The following CSMD1 variants were observed in gnomAD, a reference collection of about 807,000 sequenced individuals.
The protein encoded by CSMD1 is CUB and sushi domain-containing protein 1.
Under a neutral mutation model 417.5 loss-of-function variants are expected in CSMD1, and 213 were observed. That is an observed-to-expected ratio of 0.51 (90% confidence interval 0.46 to 0.57). The LOEUF is 0.57. Ranked by LOEUF, CSMD1 falls within the 20% of genes least tolerant of loss-of-function variation. The pLI is 0.00. For missense variants in CSMD1, 6,923 were observed against 4,529.7 expected, an observed-to-expected ratio of 1.53 and a Z score of -15.17; for synonymous variants, 2,862 against 1,736.8, an observed-to-expected ratio of 1.65 and a Z score of -16.11.
chr8:4,034,947 A>T (rs72624063), intron 3 of CSMD1, among the ~76,000 whole-genome samples: 22,671 of 151,838 alleles, frequency 0.15, 2,398 homozygotes, highest in East Asian at 0.39. Context: ...CAAATGAAAC[A>T]CTCTGGAAAT....
intron 49 of CSMD1, among the ~76,000 whole-genome samples, chr8:3,057,800 AT>A: frequency 6.6e-6 from 1 of 152,268 alleles, no homozygotes; most frequent in African/African-American, 2.4e-5. Context: ...TGTATTTTCA[AT>A]TTTAAATCTA....
chr8:4,686,299 C>A (rs1806383590), intron 1 of CSMD1, among the ~76,000 whole-genome samples: 1 of 152,164 alleles, frequency 6.6e-6, no homozygotes, highest in Non-Finnish European at 1.5e-5. Flanking sequence ...TTAAAACGAA[C>A]ATATATGCAA....
intron 1 of CSMD1, among the ~76,000 whole-genome samples, chr8:4,946,011 T>C (rs974624739): frequency 6.6e-6 from 1 of 152,160 alleles, no homozygotes; most frequent in African/African-American, 2.4e-5. Context: ...TAAGAACCAG[T>C]GGGCTCTTGT....
intron 51 of CSMD1, among the ~76,000 whole-genome samples, chr8:3,023,126 G>A (rs187888400): frequency 7.2e-5 from 11 of 152,258 alleles, no homozygotes; most frequent in Non-Finnish European, 1.2e-4. Context: ...GGATATAGAC[G>A]AAATACATCT....
chr8:3,125,652 T>A (rs752077225), intron 41 of CSMD1, among the ~76,000 whole-genome samples: 6 of 152,220 alleles, frequency 3.9e-5, no homozygotes, highest in Non-Finnish European at 7.3e-5. Context: ...CTATTAGTTC[T>A]ATAAGAGTTG....
intron 1 of CSMD1, among the ~76,000 whole-genome samples, chr8:4,658,994 A>G (rs1804417166): frequency 6.6e-6 from 1 of 152,206 alleles, no homozygotes; most frequent in African/African-American, 2.4e-5. Context: ...GCAATAACTG[A>G]AAACAATACA....
At position 3,669,253 on chromosome 8, in the gene CSMD1, G is replaced by A. The variant is rs528101128; in HGVS notation, c.1009+39161C>T. Among the ~76,000 whole-genome samples, 4 of 152,316 alleles carry A rather than the reference G, an allele frequency of 2.6e-5. No homozygotes were observed. In the East Asian group the frequency reaches 7.7e-4, roughly 29 times the overall value. ...AAGGTAGCACACTGCATCAATCTGA[G>A]TGAAAATGTCTCATCTGTGTTTTCT... On this transcript the variant is annotated intron_variant, in intron 7 of 69. Transcript: ENST00000635120.
chr8:4,916,451 G>A (rs116256215), intron 1 of CSMD1, among the ~76,000 whole-genome samples: 1 of 152,178 alleles, frequency 6.6e-6, no homozygotes, highest in Non-Finnish European at 1.5e-5. Context: ...TCAATTGTTT[G>A]TCAGGGAAGA....
At chr8:4,514,852 C>T (rs1296847397) in intron 2 of CSMD1, among the ~76,000 whole-genome samples, 1 of 152,182 alleles carries the variant, frequency 6.6e-6, no homozygotes, top group Non-Finnish European at 1.5e-5. Context: ...TAGAGAAAGT[C>T]TACCTCCTCC....
chr8:4,812,849 A>G lies in CSMD1; in HGVS notation c.86-175291T>C, dbSNP rs141126433. Among the ~76,000 whole-genome samples, 35 of 152,314 alleles carry G rather than the reference A, an allele frequency of 2.3e-4. No homozygotes were observed. In the East Asian group the frequency reaches 6.6e-3, roughly 29 times the overall value. On this transcript the variant is annotated intron_variant, in intron 1 of 69. Transcript: ENST00000635120. ...CACTTTTCATAGGGAATCTATTGTT[A>G]TTGATATGTTATCGCTATGTTTTAT...
At chr8:4,202,538 T>A (rs542691098) in intron 3 of CSMD1, among the ~76,000 whole-genome samples, 9 of 152,328 alleles carry the variant, frequency 5.9e-5, no homozygotes, top group African/African-American at 2.2e-4. Flanking sequence ...AAACTCTATT[T>A]GTCAGGACAT....
rs191596701 is a variant in CSMD1, at chr8:4,939,720, T to C, written c.85+54612A>G. 2.0e-3 allele frequency among the ~76,000 whole-genome samples: 308 copies of C among 152,236 alleles called. 3 individuals are homozygous for C. Among genetic ancestry groups the C allele is most frequent in the Admixed American group, 0.017 (265 of 15,286 alleles). On this transcript the variant is annotated intron_variant, in intron 1 of 69. Transcript: ENST00000635120. ...GAGGACAAGGAATAATTTCAAGTGA[T>C]CTATTGTACAGCACAGAGAGTACGT...
At chr8:4,308,163 T>A (rs1341385074) in intron 3 of CSMD1, among the ~76,000 whole-genome samples, 2 of 152,190 alleles carry the variant, frequency 1.3e-5, no homozygotes, top group Non-Finnish European at 2.9e-5. Flanking sequence ...TTTCTTCGAA[T>A]GTTCCTCAAT....
chr8:3,562,341 G>C (rs1017704806), intron 10 of CSMD1, among the ~76,000 whole-genome samples: 1 of 89,342 alleles, frequency 1.1e-5, no homozygotes, highest in Non-Finnish European at 2.4e-5. Context: ...TCTGCATCTT[G>C]GTCAGTATTG....
chr8:4,748,253 T>G (rs1811080390), intron 1 of CSMD1, among the ~76,000 whole-genome samples: 1 of 152,240 alleles, frequency 6.6e-6, no homozygotes, highest in Non-Finnish European at 1.5e-5. Flanking sequence ...AGCAACCGAT[T>G]ACAATCTTTA....
At chr8:3,509,280 TA>T (rs548361311) in intron 10 of CSMD1, among the ~76,000 whole-genome samples, 71 of 152,282 alleles carry the variant, frequency 4.7e-4, no homozygotes, top group Non-Finnish European at 7.4e-4. Flanking sequence ...GGACAATGAC[TA>T]AAAAATATAT....
chr8:3,585,846 C>T (rs928439676), intron 9 of CSMD1, among the ~76,000 whole-genome samples: 1 of 152,112 alleles, frequency 6.6e-6, no homozygotes, highest in African/African-American at 2.4e-5. Flanking sequence ...TATTCACACA[C>T]ATGCACACTG....
chr8:3,967,469 A>G (rs1812758314), intron 5 of CSMD1, among the ~76,000 whole-genome samples: 1 of 149,824 alleles, frequency 6.7e-6, no homozygotes, highest in Admixed American at 6.7e-5. Context: ...AAAAAAAAAA[A>G]ACAGATGGAA....
At chr8:3,318,247 G>A (rs1412689855) in intron 23 of CSMD1, among the ~76,000 whole-genome samples, 3 of 151,832 alleles carry the variant, frequency 2.0e-5, no homozygotes, top group African/African-American at 7.3e-5. Flanking sequence ...TTTTGCTTTT[G>A]TTCCAATTTT....
Sources: gnomAD v4.1 joint callset for allele counts (sites outside exome capture counted in the v4.1 genomes callset) on GRCh38, gnomAD v4.1.1 for gene constraint, MANE v1.5 for transcripts, NCBI Gene and HGNC (gene_info 2026-07-23, HGNC 2026-07-21) for gene names.